Variants in ALX1 observed in about 807,000 individuals in gnomAD.
The protein encoded by ALX1 is ALX homeobox protein 1.
In ALX1, 19 loss-of-function variants were observed where a neutral mutation model predicts 31.7. That is an observed-to-expected ratio of 0.60 (90% confidence interval 0.42 to 0.88). The LOEUF (loss-of-function observed/expected upper bound fraction) is 0.88, where lower values mean the gene tolerates loss of function less well. Among genes scored for constraint, ALX1 ranks in the 40% least tolerant of loss-of-function variants. ALX1 has a pLI of 0.00. For synonymous variants in ALX1, 153 were observed against 148.8 expected, an observed-to-expected ratio of 1.03 and a Z score of -0.20; for missense variants, 415 against 407.8, an observed-to-expected ratio of 1.02 and a Z score of -0.15.
rs1317871091 is a variant in ALX1, at chr12:85,301,424, T to C, written c.930T>C (p.Val310=). Residue 310 remains valine (V), a synonymous_variant, in exon 4 of 4, where the codon GTT becomes GTC. Coordinates refer to ENST00000316824, the MANE Select transcript of ALX1 (RefSeq NM_006982.3). ...AAAGGAGGTCTTCCAGTATCGCAGT[T>C]CTTCGAATGAAAGCCAAGGAGCACA... ...EFERRSSSIA[V]LRMKAKEHTA... 6.2e-7 allele frequency: 1 copy of C among 1,614,098 alleles called. No homozygotes were observed. The highest frequency in any genetic ancestry group is 2.2e-5 in the East Asian group (1 of 44,882).
At chr12:85,286,828 A>T in intron 2 of ALX1, 25 bp from the exon 3 acceptor site, 1 of 1,544,082 alleles carries the variant, frequency 6.5e-7, no homozygotes, top group East Asian at 2.4e-5. Context: ...CTTAGCTAAA[A>T]TTCTAATTTT....
At chr12:85,288,081 T>G (rs1483905441) in intron 3 of ALX1, among the ~76,000 whole-genome samples, 1 of 151,442 alleles carries the variant, frequency 6.6e-6, no homozygotes, top group Admixed American at 6.6e-5. Context: ...TCCCCCAAAT[T>G]TATTAATATA....
At chr12:85,299,729 TAGA>T (rs909221469) in intron 3 of ALX1, among the ~76,000 whole-genome samples, 2 of 152,020 alleles carry the variant, frequency 1.3e-5, no homozygotes, top group South Asian at 2.1e-4. Flanking sequence ...CAGTGTGATC[TAGA>T]AGATTTATTA....
At chr12:85,289,828 C>T (rs574560476) in intron 3 of ALX1, among the ~76,000 whole-genome samples, 1 of 151,214 alleles carries the variant, frequency 6.6e-6, no homozygotes, top group East Asian at 1.9e-4. Flanking sequence ...GGGCCAAGAT[C>T]ATGTCTCTCA....
chr12:85,290,099 T>C (rs544041947), intron 3 of ALX1, among the ~76,000 whole-genome samples: 78 of 151,322 alleles, frequency 5.2e-4, no homozygotes, highest in African/African-American at 1.9e-3. Context: ...CAGAGATAGT[T>C]TAGAAAATGA....
rs1896650748 is a variant in ALX1 at position 85,280,318 on chromosome 12, C to T, written c.57C>T (p.Asp19=). The change falls in exon 1 of 4, where the codon GAC becomes GAT. Residue 19 remains aspartate (D), a synonymous_variant. Transcript: ENST00000316824. ...ALKSPPSKNS[D]FYMGAGGPLE... is the part of the protein sequence containing the mutation. ...AGAGCCCTCCGAGTAAAAACAGTGA[C>T]TTTTACATGGGCGCAGGAGGTCCTC... is the stretch of plus-strand genomic sequence containing the variant. The T allele has an allele frequency of 6.2e-7, 1 of 1,613,834 alleles. No individual in the cohort carries two copies.
intron 3 of ALX1, among the ~76,000 whole-genome samples, chr12:85,297,326 C>T (rs1007601380): frequency 1.3e-5 from 2 of 151,576 alleles, no homozygotes; most frequent in African/African-American, 2.4e-5. Context: ...TCCAGAATAA[C>T]ATGATCTGAA....
At chr12:85,297,080 C>G (rs78111454) in intron 3 of ALX1, among the ~76,000 whole-genome samples, 1,806 of 151,720 alleles carry the variant, frequency 0.012, 33 homozygotes, top group African/African-American at 0.042. Flanking sequence ...AAATTACTGC[C>G]TATATGAGAA....
At chr12:85,287,145 T>A (rs1416633798) in intron 3 of ALX1, among the ~76,000 whole-genome samples, 164 bp downstream of exon 3, 1 of 151,890 alleles carries the variant, frequency 6.6e-6, no homozygotes, top group Non-Finnish European at 1.5e-5. Flanking sequence ...TTTTTCTGAA[T>A]TATTTTCTTG....
At chr12:85,292,246 C>T (rs1896827858) in intron 3 of ALX1, among the ~76,000 whole-genome samples, 1 of 151,070 alleles carries the variant, frequency 6.6e-6, no homozygotes, top group Non-Finnish European at 1.5e-5. Context: ...TTCAGTTAAA[C>T]ATACTTTCCT....
intron 3 of ALX1, among the ~76,000 whole-genome samples, chr12:85,299,627 A>T (rs968385194): frequency 3.3e-5 from 5 of 151,700 alleles, no homozygotes; most frequent in African/African-American, 1.2e-4. Flanking sequence ...CTGAAACCCC[A>T]CCTAAAGGTT....
chr12:85,296,565 A>G (rs1020223514), intron 3 of ALX1, among the ~76,000 whole-genome samples: 3 of 151,762 alleles, frequency 2.0e-5, no homozygotes, highest in East Asian at 1.9e-4. Flanking sequence ...AATGGGAGGT[A>G]GTTGGCTAAG....
At chr12:85,298,994 A>G (rs181563472) in intron 3 of ALX1, among the ~76,000 whole-genome samples, 33 of 151,576 alleles carry the variant, frequency 2.2e-4, no homozygotes, top group African/African-American at 7.0e-4. Flanking sequence ...TAGCTTTTTC[A>G]TCTAGTTGGT....
In ALX1 at chr12:85,280,304, A is replaced by G; in HGVS notation, c.43A>G (p.Ser15Gly). 6.2e-7 allele frequency: 1 copy of G among 1,613,684 alleles called. No individual in the cohort carries two copies. The highest frequency in any genetic ancestry group is 8.5e-7 in the Non-Finnish European group (1 of 1,180,020). ...SEKFALKSPP[S>G]KNSDFYMGAG... The stretch of plus-strand genomic sequence containing the variant: ...GAAGTTTGCCCTCAAGAGCCCTCCG[A>G]GTAAAAACAGTGACTTTTACATGGG... Residue 15 changes from serine (S) to glycine (G), a missense_variant, in exon 1 of 4, where the codon AGT (serine) becomes GGT (glycine). Coordinates refer to ENST00000316824, the MANE Select transcript of ALX1 (RefSeq NM_006982.3).
rs61055357 is a variant in ALX1 at position 85,280,998 on chromosome 12, T to G, written c.226+511T>G. Among the ~76,000 whole-genome samples, 15 of 152,306 alleles carry G rather than the reference T, an allele frequency of 9.8e-5. No homozygotes were observed. The East Asian group carries it at 2.9e-3, about 29-fold the overall frequency. On this transcript the variant is annotated intron_variant, in intron 1 of 3. Coordinates refer to ENST00000316824, the MANE Select transcript of ALX1 (RefSeq NM_006982.3). ...GAGCTCCTTTAGGTAAAGATAAATC[T>G]TTTTAATTTTCCAAGACGTGGCGAT...
chr12:85,292,772 T>G (rs923427839), intron 3 of ALX1, among the ~76,000 whole-genome samples: 1 of 151,000 alleles, frequency 6.6e-6, no homozygotes, highest in Non-Finnish European at 1.5e-5. Context: ...TCTTAATGGT[T>G]GTCTTAACTT....
At chr12:85,283,358 C>A (rs1896704223) in intron 1 of ALX1, among the ~76,000 whole-genome samples, 1 of 152,150 alleles carries the variant, frequency 6.6e-6, no homozygotes, top group Non-Finnish European at 1.5e-5. Flanking sequence ...CGGATTTTGG[C>A]AGATCATAGC....
At chr12:85,285,512 G>A (rs1896736863) in intron 2 of ALX1, among the ~76,000 whole-genome samples, 1 of 151,980 alleles carries the variant, frequency 6.6e-6, no homozygotes, top group African/African-American at 2.4e-5. Flanking sequence ...TTTATCAGCA[G>A]TGTACTAAAA....
chr12:85,292,249 A>G (rs1896827915), intron 3 of ALX1, among the ~76,000 whole-genome samples: 1 of 151,142 alleles, frequency 6.6e-6, no homozygotes, highest in African/African-American at 2.4e-5. Context: ...AGTTAAACAT[A>G]CTTTCCTTTT....
Sources: gnomAD v4.1 joint callset for allele counts (sites outside exome capture counted in the v4.1 genomes callset) on GRCh38, gnomAD v4.1.1 for gene constraint, MANE v1.5 for transcripts, NCBI Gene and HGNC (gene_info 2026-07-23, HGNC 2026-07-21) for gene names.